Variants in MID1 observed in about 807,000 individuals in gnomAD.
The protein encoded by MID1 is midline 1.
Under a neutral mutation model 40.4 loss-of-function variants are expected in MID1, and 7 were observed. That is an observed-to-expected ratio of 0.17 (90% CI 0.10 to 0.33). The LOEUF is 0.33. Ranked by LOEUF, MID1 falls within the 10% of genes least tolerant of loss-of-function variation. MID1 has a pLI of 1.00. For missense variants in MID1, 367 were observed against 558.5 expected, an observed-to-expected ratio of 0.66 and a Z score of 3.46; for synonymous variants, 229 against 221.2, an observed-to-expected ratio of 1.04 and a Z score of -0.31.
chrX:10,542,762 T>C (rs776531537), intron 2 of MID1, among the ~76,000 whole-genome samples: 2 of 111,855 alleles, frequency 1.8e-5, no homozygotes, highest in Non-Finnish European at 3.8e-5. Flanking sequence ...CACACTGACA[T>C]TAGGTTGGCA....
chrX:10,694,908 C>T (rs1414842273), intron 1 of MID1, among the ~76,000 whole-genome samples: 1 of 111,323 alleles, frequency 9.0e-6, no homozygotes, highest in Non-Finnish European at 1.9e-5. Flanking sequence ...TTGGGAGAAA[C>T]TTAGTTTATA....
At chrX:10,582,888 G>A (rs909852946) in intron 1 of MID1, 3 of 111,859 alleles carry the variant, frequency 2.7e-5, no homozygotes, top group Admixed American at 1.9e-4. Context: ...CCAATGCAAG[G>A]ATGACAAATT....
At chrX:10,705,086 G>T (rs2043220924) in intron 1 of MID1, among the ~76,000 whole-genome samples, 1 of 111,260 alleles carries the variant, frequency 9.0e-6, no homozygotes, top group African/African-American at 3.3e-5. Context: ...GAAACCCAAA[G>T]AATGACACAT....
At chrX:10,548,204 C>T (rs983254418) in intron 2 of MID1, among the ~76,000 whole-genome samples, 1 of 111,588 alleles carries the variant, frequency 9.0e-6, no homozygotes, top group Non-Finnish European at 1.9e-5. Context: ...TAATCTACCA[C>T]TGTGTGTTCC....
At chrX:10,547,610 A>AGGGAGGGAGGGAGGGG (rs1933742094) in intron 2 of MID1, among the ~76,000 whole-genome samples, 2 of 94,979 alleles carry the variant, frequency 2.1e-5, no homozygotes, top group African/African-American at 8.1e-5. Flanking sequence ...GAAAGAAGGG[A>AGGGAGGGAGGGAGGGG]GGGTAAAGAA....
intron 1 of MID1, among the ~76,000 whole-genome samples, chrX:10,786,282 C>T (rs1400847499): frequency 3.6e-5 from 4 of 110,715 alleles, no homozygotes; most frequent in Admixed American, 9.6e-5. Flanking sequence ...CATCTCACAC[C>T]AGTTAGAATG....
chrX:10,516,560 TTGTGTGTGTGTGTGTGTGTGTGTGTG>T lies in MID1; in HGVS notation c.756+6506_756+6531del, dbSNP rs57101806. On this transcript the variant is annotated intron_variant, in intron 3 of 9. Coordinates refer to ENST00000317552, the MANE Select transcript of MID1 (RefSeq NM_000381.4). ...CTGTCTTGGCCTTCATACTCTGCTC[TTGTGTGTGTGTGTGTGTGTGTGTGTG>T]TGTGTGTGTGTGTGTGTGTGTGTGC... is the stretch of plus-strand genomic sequence containing the variant. Among the ~76,000 whole-genome samples the T allele has an allele frequency of 1.9e-4, 14 of 73,360 alleles. No individual in the cohort carries two copies. The Admixed American group carries it at 2.2e-3, about 12-fold the overall frequency. The allele number at this position is 73,360 out of a possible 115,157, so 63.7% of individuals were successfully genotyped here. A position where few individuals can be genotyped will look rare whatever the true frequency, so the allele number is the denominator to read the frequency against.
upstream of MID1, among the ~76,000 whole-genome samples, chrX:10,621,310 T>A (rs1471257338): frequency 8.9e-6 from 1 of 112,007 alleles, no homozygotes; most frequent in East Asian, 2.8e-4. Context: ...AAGCTGGACA[T>A]CACCTTGGCA....
At chrX:10,812,387 C>T (rs948794709) in intron 1 of MID1, among the ~76,000 whole-genome samples, 2 of 111,471 alleles carry the variant, frequency 1.8e-5, no homozygotes, top group African/African-American at 6.5e-5. Flanking sequence ...GACAAAGAAA[C>T]TAATTTAAGC....
chrX:10,511,445 A>G (rs1292408293), intron 3 of MID1, among the ~76,000 whole-genome samples: 2 of 111,364 alleles, frequency 1.8e-5, no homozygotes, highest in East Asian at 2.8e-4. Flanking sequence ...CAGTGGTACA[A>G]TCATAGATCA....
chrX:10,822,693 T>A (rs1441390045), intron 1 of MID1, among the ~76,000 whole-genome samples: 1 of 111,875 alleles, frequency 8.9e-6, no homozygotes, highest in African/African-American at 3.2e-5. Flanking sequence ...AAAGAAGACA[T>A]ACATGCAGCC....
At chrX:10,687,135 A>G (rs1433700004) in intron 1 of MID1, among the ~76,000 whole-genome samples, 1 of 111,794 alleles carries the variant, frequency 8.9e-6, no homozygotes, top group Non-Finnish European at 1.9e-5. Flanking sequence ...TGTTTTACAT[A>G]TTCTCTGCCC....
chrX:10,748,579 G>A (rs1355051331), intron 1 of MID1, among the ~76,000 whole-genome samples: 1 of 111,617 alleles, frequency 9.0e-6, no homozygotes, highest in Non-Finnish European at 1.9e-5. Flanking sequence ...GAATTAATCC[G>A]ACCCCAAAAG....
intron 1 of MID1, among the ~76,000 whole-genome samples, chrX:10,702,284 C>G (rs934420456): frequency 8.9e-6 from 1 of 111,906 alleles, no homozygotes; most frequent in African/African-American, 3.2e-5. Flanking sequence ...CTTTGGGCAG[C>G]TCAATTTTCA....
chrX:10,827,734 T>G (rs1049358491), intron 1 of MID1, among the ~76,000 whole-genome samples: 3 of 111,645 alleles, frequency 2.7e-5, no homozygotes, highest in South Asian at 7.6e-4. Flanking sequence ...GAATATAGTC[T>G]TGATCATCAC....
intron 3 of MID1, among the ~76,000 whole-genome samples, chrX:10,498,113 T>G (rs1931353207): frequency 9.0e-6 from 1 of 111,394 alleles, no homozygotes; most frequent in South Asian, 3.8e-4. Context: ...GTTGATTTTT[T>G]TTGAGACAGG....
At chrX:10,718,930 G>C (rs2043326265) in intron 1 of MID1, among the ~76,000 whole-genome samples, 2 of 111,435 alleles carry the variant, frequency 1.8e-5, no homozygotes, top group African/African-American at 6.5e-5. Context: ...CATATAAACA[G>C]AACCAAAGAA....
intron 2 of MID1, among the ~76,000 whole-genome samples, chrX:10,565,971 G>C: frequency 9.1e-6 from 1 of 110,121 alleles, no homozygotes; most frequent in Non-Finnish European, 1.9e-5. Flanking sequence ...CACCACACCC[G>C]GCTAATTTTT....
At chrX:10,605,771 A>G (rs1453469497) in intron 1 of MID1, among the ~76,000 whole-genome samples, 1 of 111,720 alleles carries the variant, frequency 9.0e-6, no homozygotes, top group Non-Finnish European at 1.9e-5. Context: ...TTCTTATTAA[A>G]CTCATATACT....
Sources: allele counts gnomAD v4.1 joint callset (sites outside exome capture counted in the v4.1 genomes callset), GRCh38; gene constraint gnomAD v4.1.1; transcripts MANE v1.5; gene names NCBI Gene and HGNC (gene_info 2026-07-23, HGNC 2026-07-21).